CEP57L1: variants seen among roughly 807,000 people sequenced by gnomAD.
The protein encoded by CEP57L1 is centrosomal protein CEP57L1.
A neutral mutation model predicts 61.0 loss-of-function variants in CEP57L1; 37 were observed. That is an observed-to-expected ratio of 0.61 (90% CI 0.47 to 0.80). The LOEUF (loss-of-function observed/expected upper bound fraction) is 0.80, where lower values mean the gene tolerates loss of function less well. Ranked by LOEUF, CEP57L1 falls within the 30% of genes least tolerant of loss-of-function variation. The pLI is 0.00. For synonymous variants in CEP57L1, 137 were observed against 162.3 expected, an observed-to-expected ratio of 0.84 and a Z score of 1.19; for missense variants, 422 against 524.7, an observed-to-expected ratio of 0.80 and a Z score of 1.91.
rs72093696 is a variant in CEP57L1, at chr6:109,168,590, A to ATTTTTTTT, written c.*5635_*5642dup. ...ATCAATTTAGCGGGTCACTACCAGC[A>ATTTTTTTT]TTTTTTTTTTTTTTTTTTTTTTGAG... is the stretch of plus-strand genomic sequence containing the variant. On this transcript the variant is annotated 3_prime_UTR_variant, in exon 11 of 11. Transcript: ENST00000517392. Among the ~76,000 whole-genome samples the ATTTTTTTT allele has an allele frequency of 8.9e-6, 1 of 112,036 alleles. No homozygotes were observed. Among genetic ancestry groups the ATTTTTTTT allele is most frequent in the Non-Finnish European group, 1.8e-5 (1 of 55,114 alleles). 73.5% of individuals were successfully genotyped at this position (112,036 alleles called of 152,430 possible).
chr6:109,096,219 G>A (rs918301384), intron 1 of CEP57L1, among the ~76,000 whole-genome samples: 1 of 152,168 alleles, frequency 6.6e-6, no homozygotes, highest in Non-Finnish European at 1.5e-5. Context: ...ACTGATAATC[G>A]GTGTAGATTT....
intron 1 of CEP57L1, among the ~76,000 whole-genome samples, chr6:109,100,483 C>G (rs755726501): frequency 6.6e-6 from 1 of 151,108 alleles, no homozygotes; most frequent in Non-Finnish European, 1.5e-5. Flanking sequence ...GAGACCAGCT[C>G]GGCCAAGATG....
intron 7 of CEP57L1, chr6:109,156,312 T>C (rs1168216428): frequency 6.6e-6 from 1 of 152,542 alleles, no homozygotes; most frequent in Non-Finnish European, 1.5e-5. Flanking sequence ...CTGAAAGCAG[T>C]TTTATGTAAT....
At chr6:109,157,182 G>A (rs75555274) in intron 7 of CEP57L1, 12,094 of 152,168 alleles carry the variant, frequency 0.079, 650 homozygotes, top group Middle Eastern at 0.2. Context: ...GAAGTACTTA[G>A]TTCAAATCCC....
chr6:109,114,547 A>G (rs1219729858), intron 1 of CEP57L1, among the ~76,000 whole-genome samples: 1 of 152,200 alleles, frequency 6.6e-6, no homozygotes, highest in Non-Finnish European at 1.5e-5. Flanking sequence ...GGATGAACCT[A>G]GAGGACATCA....
At chr6:109,109,065 A>T (rs936706170) in intron 1 of CEP57L1, among the ~76,000 whole-genome samples, 1 of 152,174 alleles carries the variant, frequency 6.6e-6, no homozygotes, top group Non-Finnish European at 1.5e-5. Context: ...GTTGTGGACA[A>T]TTTGCTCTTC....
intron 1 of CEP57L1, among the ~76,000 whole-genome samples, chr6:109,103,304 T>A (rs1770543136): frequency 6.6e-6 from 1 of 152,212 alleles, no homozygotes; most frequent in Non-Finnish European, 1.5e-5. Context: ...TTGAAAAATG[T>A]CTTGTCAACC....
At chr6:109,115,169 A>T (rs781773417) in intron 1 of CEP57L1, among the ~76,000 whole-genome samples, 2 of 152,012 alleles carry the variant, frequency 1.3e-5, no homozygotes, top group Non-Finnish European at 2.9e-5. Flanking sequence ...TTATTCTTTC[A>T]TTGTTAGAAG....
chr6:109,106,224 C>T (rs1311967322), intron 1 of CEP57L1: 3 of 152,150 alleles, frequency 2.0e-5, no homozygotes, highest in South Asian at 2.1e-4. Flanking sequence ...GTGGAAAAAT[C>T]GTCTTTCATG....
At chr6:109,139,246 A>G (rs961005741) in intron 1 of CEP57L1, among the ~76,000 whole-genome samples, 1 of 152,200 alleles carries the variant, frequency 6.6e-6, no homozygotes, top group Non-Finnish European at 1.5e-5. Flanking sequence ...GTGAGATTTC[A>G]TCATCATGGT....
chr6:109,166,947 A>G lies in CEP57L1; in HGVS notation c.*3977A>G, dbSNP rs1369146235. ...AATTGTAGGTGACGTGTAGATAAGT[A>G]TAAGCTGACACTCAGACATATGACA... On this transcript the variant is annotated 3_prime_UTR_variant, in exon 11 of 11. Transcript: ENST00000517392. 1.3e-5 allele frequency among the ~76,000 whole-genome samples: 2 copies of G among 152,176 alleles called. No homozygotes were observed. The highest frequency in any genetic ancestry group is 2.1e-4 in the South Asian group (1 of 4,834).
At chr6:109,099,611 G>A (rs373372606) in intron 1 of CEP57L1, among the ~76,000 whole-genome samples, 4 of 151,898 alleles carry the variant, frequency 2.6e-5, no homozygotes, top group Admixed American at 2.0e-4. Context: ...GTGCAGTGGC[G>A]CTATCTCGGC....
intron 4 of CEP57L1, among the ~76,000 whole-genome samples, chr6:109,153,274 C>T (rs560531488): frequency 8.6e-6 from 1 of 115,992 alleles, no homozygotes; most frequent in South Asian, 3.1e-4. Flanking sequence ...CAAGGTCTCA[C>T]TCTGTTGCCC....
chr6:109,129,128 A>T (rs1773903521), intron 1 of CEP57L1, among the ~76,000 whole-genome samples: 1 of 152,186 alleles, frequency 6.6e-6, no homozygotes, highest in Non-Finnish European at 1.5e-5. Context: ...TGAACCTGGG[A>T]GGCAGAGGTT....
chr6:109,160,127 C>A (rs1192356319), intron 9 of CEP57L1, among the ~76,000 whole-genome samples: 1 of 152,182 alleles, frequency 6.6e-6, no homozygotes, highest in Non-Finnish European at 1.5e-5. Flanking sequence ...GCTAGTTGAT[C>A]TAAGACTTCT....
At chr6:109,117,817 T>C (rs538782551) in intron 1 of CEP57L1, among the ~76,000 whole-genome samples, 4 of 152,282 alleles carry the variant, frequency 2.6e-5, no homozygotes, top group East Asian at 1.9e-4. Context: ...GGAAGTTCAA[T>C]TGGAGCCATA....
At chr6:109,115,683 G>T (rs569242495) in intron 1 of CEP57L1, among the ~76,000 whole-genome samples, 1 of 151,900 alleles carries the variant, frequency 6.6e-6, no homozygotes. Flanking sequence ...AAATCAAAAG[G>T]GTCCACAGTT....
chr6:109,134,533 A>G (rs1419728914), intron 1 of CEP57L1, among the ~76,000 whole-genome samples: 2 of 152,214 alleles, frequency 1.3e-5, no homozygotes, highest in Non-Finnish European at 2.9e-5. Flanking sequence ...CACCACTCCT[A>G]TTCAACATAG....
chr6:109,159,851 C>T (rs1053911344), intron 9 of CEP57L1, among the ~76,000 whole-genome samples: 1 of 152,158 alleles, frequency 6.6e-6, no homozygotes, highest in African/African-American at 2.4e-5. Flanking sequence ...TTCTAACATA[C>T]AGGATCTGAT....
Sources: allele counts gnomAD v4.1 joint callset (sites outside exome capture counted in the v4.1 genomes callset), GRCh38; gene constraint gnomAD v4.1.1; transcripts MANE v1.5; gene names NCBI Gene and HGNC (gene_info 2026-07-23, HGNC 2026-07-21).